Variants in CNR1 observed in about 807,000 individuals in gnomAD.
CNR1 encodes cannabinoid receptor 1.
In CNR1, 10 loss-of-function variants were observed where a neutral mutation model predicts 23.0. The observed-to-expected ratio is 0.43, with a 90% CI of 0.27 to 0.74. CNR1 has a LOEUF of 0.74. Among genes scored for constraint, CNR1 ranks in the 30% least tolerant of loss-of-function variants. The pLI is 0.19. For synonymous variants in CNR1, 271 were observed against 255.2 expected (o/e 1.06, Z -0.59); for missense variants, 422 against 618.8 (o/e 0.68, Z 3.37).
chr6:88,156,714 T>C (rs1204302883), intron 1 of CNR1, among the ~76,000 whole-genome samples: 1 of 152,142 alleles, frequency 6.6e-6, no homozygotes, highest in African/African-American at 2.4e-5. Context: ...CCTGGCACAG[T>C]GCCTGGCACA....
intron 1 of CNR1, among the ~76,000 whole-genome samples, 179 bp downstream of exon 1, chr6:88,165,624 C>T (rs1374541257): frequency 6.6e-6 from 1 of 152,182 alleles, no homozygotes; most frequent in Non-Finnish European, 1.5e-5. Context: ...TAGAAATCTC[C>T]AGAAGTAGAA....
chr6:88,160,846 A>G (rs895455691), intron 1 of CNR1, among the ~76,000 whole-genome samples: 1 of 152,212 alleles, frequency 6.6e-6, no homozygotes, highest in Non-Finnish European at 1.5e-5. Context: ...TTTCTTCTCT[A>G]AAGTTATGAT....
intron 1 of CNR1, among the ~76,000 whole-genome samples, chr6:88,152,448 G>C (rs530195797): frequency 6.6e-6 from 1 of 152,234 alleles, no homozygotes; most frequent in African/African-American, 2.4e-5. Context: ...ATGTTTCTGT[G>C]ACTTACTTTA....
chr6:88,164,087 AT>A (rs1230847062), intron 1 of CNR1, among the ~76,000 whole-genome samples: 1 of 152,256 alleles, frequency 6.6e-6, no homozygotes, highest in Non-Finnish European at 1.5e-5. Flanking sequence ...TGTTATTAAA[AT>A]TCAGGGGCAT....
At chr6:88,156,641 T>C (rs774650530) in intron 1 of CNR1, among the ~76,000 whole-genome samples, 4 of 152,250 alleles carry the variant, frequency 2.6e-5, no homozygotes, top group African/African-American at 4.8e-5. Flanking sequence ...TTGTCTTTAT[T>C]GTGTCTAAAC....
upstream of CNR1, among the ~76,000 whole-genome samples, chr6:88,166,848 C>T (rs1778390728): frequency 6.6e-6 from 1 of 151,960 alleles, no homozygotes; most frequent in Admixed American, 6.6e-5. Context: ...CCCGGGGGTG[C>T]GGTCTCGCGC....
At chr6:88,166,360 C>T (rs1347411407), upstream of CNR1, 1 of 152,336 alleles carries the variant, frequency 6.6e-6, no homozygotes, top group Non-Finnish European at 1.5e-5. Context: ...CTCCCTCTCG[C>T]TCCAGTCCCA....
chr6:88,148,733 G>A (rs2127836776), intron 1 of CNR1, among the ~76,000 whole-genome samples: 1 of 152,252 alleles, frequency 6.6e-6, no homozygotes, highest in Middle Eastern at 3.4e-3. Context: ...AGCAACTTTG[G>A]CTACAGAGAG....
At chr6:88,163,665 C>G (rs999312934) in intron 1 of CNR1, among the ~76,000 whole-genome samples, 2 of 152,224 alleles carry the variant, frequency 1.3e-5, no homozygotes, top group African/African-American at 4.8e-5. Flanking sequence ...GGGCTGCTTC[C>G]TTCTTGGGAA....
chr6:88,153,389 A>G (rs911976380), intron 1 of CNR1, among the ~76,000 whole-genome samples: 1 of 152,176 alleles, frequency 6.6e-6, no homozygotes, highest in African/African-American at 2.4e-5. Context: ...CTGTAGAAGT[A>G]TTGGAAGGAC....
intron 1 of CNR1, among the ~76,000 whole-genome samples, chr6:88,154,263 A>C (rs1457187048): frequency 6.6e-6 from 1 of 152,252 alleles, no homozygotes; most frequent in Non-Finnish European, 1.5e-5. Flanking sequence ...CGAGTGTAGT[A>C]GACTGTACTT....
At chr6:88,152,932 G>C (rs765688828) in intron 1 of CNR1, among the ~76,000 whole-genome samples, 1 of 152,150 alleles carries the variant, frequency 6.6e-6, no homozygotes, top group Non-Finnish European at 1.5e-5. Context: ...AAGATGTATA[G>C]ATGCACCTAT....
chr6:88,156,585 A>AT (rs1029441273), intron 1 of CNR1, among the ~76,000 whole-genome samples: 10 of 152,094 alleles, frequency 6.6e-5, no homozygotes, highest in African/African-American at 2.2e-4. Context: ...ATGCTTTGAG[A>AT]TTTTCTCCCA....
At chr6:88,151,893 G>A (rs1777541007) in intron 1 of CNR1, among the ~76,000 whole-genome samples, 1 of 151,970 alleles carries the variant, frequency 6.6e-6, no homozygotes, top group South Asian at 2.1e-4. Context: ...ACCCTATCAG[G>A]TGCTTATTTA....
intron 1 of CNR1, among the ~76,000 whole-genome samples, chr6:88,165,053 GT>G (rs767419283): frequency 6.6e-6 from 1 of 152,112 alleles, no homozygotes; most frequent in South Asian, 2.1e-4. Flanking sequence ...CATTTCTTTT[GT>G]TTTTTTATCT....
chr6:88,159,859 C>A (rs1261539606), intron 1 of CNR1, among the ~76,000 whole-genome samples: 2 of 152,052 alleles, frequency 1.3e-5, no homozygotes, highest in African/African-American at 4.8e-5. Flanking sequence ...TGGAATAAAC[C>A]AAAATACTCA....
intron 1 of CNR1, among the ~76,000 whole-genome samples, chr6:88,147,426 G>A (rs1344403383): frequency 1.3e-5 from 2 of 152,198 alleles, no homozygotes; most frequent in African/African-American, 4.8e-5. Context: ...AGGATGCTCT[G>A]GGGACACCCA....
In CNR1 at chr6:88,165,956, G is replaced by A. The variant is rs1290865136; in HGVS notation, c.-217C>T. 2 of 152,912 alleles carry A rather than the reference G, an allele frequency of 1.3e-5. No homozygotes were observed. Among genetic ancestry groups the A allele is most frequent in the Non-Finnish European group, 2.9e-5 (2 of 68,562 alleles). 9.5% of individuals were successfully genotyped at this position (152,912 alleles called of 1,614,324 possible). A position where few individuals can be genotyped will look rare whatever the true frequency, so the allele number is the denominator to read the frequency against. On this transcript the variant is annotated 5_prime_UTR_variant, in exon 1 of 2. Coordinates refer to ENST00000369501, the MANE Select transcript of CNR1 (RefSeq NM_016083.6). ...CCGCCCGGGCCAAGGGAAGGCGCTG[G>A]CGCCGCGGGAGACAAGAAGAGGCGG... is the stretch of plus-strand genomic sequence containing the variant.
chr6:88,157,088 ATGACGTATCAAGAGTCTTTTG>A (rs1777841803), intron 1 of CNR1, among the ~76,000 whole-genome samples: 1 of 152,202 alleles, frequency 6.6e-6, no homozygotes, highest in Non-Finnish European at 1.5e-5. Flanking sequence ...CCACTTAGCA[ATGACGTATCAAGAGTCTTTTG>A]TGACATGCAC....
Sources: allele counts gnomAD v4.1 joint callset (sites outside exome capture counted in the v4.1 genomes callset), GRCh38; gene constraint gnomAD v4.1.1; transcripts MANE v1.5; gene names NCBI Gene and HGNC (gene_info 2026-07-23, HGNC 2026-07-21).